SHARPIN: variants seen among roughly 807,000 people sequenced by gnomAD.
SHARPIN encodes hSIPL1.
Under a neutral mutation model 40.3 loss-of-function variants are expected in SHARPIN, and 25 were observed. The observed-to-expected ratio is 0.62, with a 90% CI of 0.45 to 0.87. SHARPIN has a LOEUF of 0.87. SHARPIN is among the 40% of genes least tolerant of loss of function. The probability of loss-of-function intolerance (pLI) is 0.00; values close to 1 mark genes in which losing one functional copy is unlikely to be tolerated. For missense variants in SHARPIN, 551 were observed against 516.1 expected (o/e 1.07, Z -0.66); for synonymous variants, 274 against 221.8 (o/e 1.24, Z -2.09).
rs375879516 is a variant in SHARPIN, at chr8:144,099,442, G to T, written c.769-12C>A. On this transcript the variant is annotated splice_polypyrimidine_tract_variant and intron_variant, in intron 5 of 8. Transcript: ENST00000398712. ...AGCTCTGAGAACACCTGTGGCCAGA[G>T]CATCAGGGCAGGTGATGTCACCTAG... The T allele has an allele frequency of 4.5e-5, 72 of 1,609,818 alleles. No homozygotes were observed. The highest frequency in any genetic ancestry group is 5.4e-5 in the Non-Finnish European group (64 of 1,177,788).
chr8:144,099,667 A>G (rs1836246165), intron 4 of SHARPIN, 36 bp downstream of exon 4: 1 of 1,612,972 alleles, frequency 6.2e-7, no homozygotes, highest in African/African-American at 1.3e-5. Flanking sequence ...TGGGATGGTC[A>G]CGAGGACAAG....
chr8:144,100,325 G>T (rs1260645461), intron 2 of SHARPIN, among the ~76,000 whole-genome samples: 1 of 152,246 alleles, frequency 6.6e-6, no homozygotes, highest in Non-Finnish European at 1.5e-5. Context: ...TTTTGTGCCT[G>T]GCTAGGCCAC....
intron 2 of SHARPIN, chr8:144,102,540 TG>T: frequency 5.9e-6 from 1 of 168,260 alleles, no homozygotes; most frequent in Non-Finnish European, 1.3e-5. Flanking sequence ...CCCAAAGTGC[TG>T]GAATTACAGG....
chr8:144,099,300 A>G lies in SHARPIN; in HGVS notation c.899T>C (p.Leu300Pro). ...QDGDPAFLYL[L>P]SAPREAPATG... The stretch of plus-strand genomic sequence containing the variant: ...ACCTGGGGCTTCTCGAGGAGCTGAC[A>G]GCAAGTAGAGGAAAGCAGGGTCCCC... The change falls in exon 6 of 9, where the codon CTG becomes CCG. Residue 300 changes from leucine to proline, a missense_variant. Transcript: ENST00000398712. 6.2e-7 allele frequency: 1 copy of G among 1,614,128 alleles called. No individual in the cohort carries two copies. The highest frequency in any genetic ancestry group is 1.1e-5 in the South Asian group (1 of 91,090).
At chr8:144,099,057 C>G in intron 7 of SHARPIN, 24 bp downstream of exon 7, 1 of 1,575,052 alleles carries the variant, frequency 6.3e-7, no homozygotes, top group African/African-American at 1.4e-5. Flanking sequence ...TGTCCTGGCC[C>G]TCCCTGCCCA....
intron 7 of SHARPIN, 22 bp from the exon 8 acceptor site, chr8:144,099,016 T>C (rs1836226131): frequency 5.6e-6 from 9 of 1,599,330 alleles, no homozygotes; most frequent in East Asian, 2.2e-5. Flanking sequence ...GAGACAGTTG[T>C]TGCTTCCCTG....
rs1836245263 is a variant in SHARPIN, at chr8:144,099,614, G to A, written c.664C>T (p.Gln222Ter). Residue 222 changes from glutamine to a stop codon, truncating the protein, a stop_gained, in exon 5 of 9, where the codon CAG becomes TAG. Coordinates refer to ENST00000398712, the MANE Select transcript of SHARPIN (RefSeq NM_030974.4). LOFTEE classifies it high-confidence loss of function. The stretch of plus-strand genomic sequence containing the variant: ...GAGGCAGCGTCTTCAAGTGTGACCT[G>A]CAGCCTGTGCCAGAATGTGGGTTCA... The part of the protein sequence containing the change: ...ACFPPGPIRL[Q>*]VTLEDAASAA... The A allele has an allele frequency of 6.2e-7, 1 of 1,613,808 alleles. No homozygotes were observed. The highest frequency in any genetic ancestry group is 1.3e-5 in the African/African-American group (1 of 74,924).
In SHARPIN at chr8:144,098,807, G is replaced by T; in HGVS notation, c.*13-19C>A. 8.2e-7 allele frequency: 1 copy of T among 1,221,694 alleles called. No individual in the cohort carries two copies. The highest frequency in any genetic ancestry group is 1.1e-6 in the Non-Finnish European group (1 of 875,380). The allele number at this position is 1,221,694 out of a possible 1,614,324, so 75.7% of individuals were successfully genotyped here. A position where few individuals can be genotyped will look rare whatever the true frequency, so the allele number is the denominator to read the frequency against. The stretch of plus-strand genomic sequence containing the variant: ...TTGTAACCTGTGGGGGAGGAGCTGG[G>T]TCATTCCTGTGGATTCTGCCCTGCC... On this transcript the variant is annotated intron_variant, in intron 8 of 8. Coordinates refer to ENST00000398712, the MANE Select transcript of SHARPIN (RefSeq NM_030974.4).
At position 144,103,612 on chromosome 8, in the gene SHARPIN, C is replaced by T. The variant is rs1426122988; in HGVS notation, c.142G>A (p.Ala48Thr). Residue 48 changes from alanine (A) to threonine (T), a missense_variant, in exon 1 of 9, where the codon GCG becomes ACG. Ala to Thr is a moderately conservative substitution (Grantham distance 58). Transcript: ENST00000398712. ...EAQLRRLQLS[A>T]DPERPGRFRL... ...AAGCGCCCAGGCCGCTCAGGGTCCGCGCTCAGCTGCAGCCTCCGCAGCTGT... is the reference window on the plus strand; with the variant it reads ...AAGCGCCCAGGCCGCTCAGGGTCCGTGCTCAGCTGCAGCCTCCGCAGCTGT... The T allele has an allele frequency of 1.3e-6, 2 of 1,530,018 alleles. No homozygotes were observed. The highest frequency in any genetic ancestry group is 4.9e-5 in the East Asian group (2 of 40,676). 94.8% of individuals were successfully genotyped at this position (1,530,018 alleles called of 1,614,324 possible). A position where few individuals can be genotyped will look rare whatever the true frequency, so the allele number is the denominator to read the frequency against.
chr8:144,102,272 CTTCT>C lies in SHARPIN; in HGVS notation c.376+775_376+778del, dbSNP rs1836302114. Among the ~76,000 whole-genome samples the C allele has an allele frequency of 5.8e-5, 4 of 69,418 alleles. No individual in the cohort carries two copies. The Admixed American group carries it at 6.1e-4, about 11-fold the overall frequency. 45.5% of individuals were successfully genotyped at this position (69,418 alleles called of 152,430 possible). ...AGCCATGAAACTCAGCTAATTCCAT[CTTCT>C]TTTTTTTTTTTTTTTGAGATGGAGT... On this transcript the variant is annotated intron_variant, in intron 2 of 8. Transcript: ENST00000398712.
chr8:144,098,834 C>A, intron 8 of SHARPIN, 32 bp downstream of exon 8: 1 of 1,467,914 alleles, frequency 6.8e-7, no homozygotes, highest in South Asian at 1.3e-5. Context: ...TGCCCTGCCC[C>A]CCACCTCCCC....
rs891286796 is a variant in SHARPIN at position 144,098,725 on chromosome 8, C to T, written c.*76G>A. The T allele has an allele frequency of 1.6e-5, 9 of 579,572 alleles. No homozygotes were observed. The highest frequency in any genetic ancestry group is 4.7e-5 in the South Asian group (2 of 42,642). The allele number at this position is 579,572 out of a possible 1,614,324, so 35.9% of individuals were successfully genotyped here. A position where few individuals can be genotyped will look rare whatever the true frequency, so the allele number is the denominator to read the frequency against. On this transcript the variant is annotated 3_prime_UTR_variant, in exon 9 of 9. Transcript: ENST00000398712. ...CCAGCAAGCAGTCAGTAGAGGTCCC[C>T]GGAGTTCAGTGGGGGCCTGGAGATG...
intron 2 of SHARPIN, chr8:144,100,644 C>G (rs965738764): frequency 6.5e-6 from 1 of 153,712 alleles, no homozygotes; most frequent in Non-Finnish European, 1.5e-5. Context: ...CATCTCCCTA[C>G]TAGGATAAGC....
chr8:144,103,420 C>G lies in SHARPIN; in HGVS notation c.201+133G>C. 10 of 1,128,952 alleles carry G rather than the reference C, an allele frequency of 8.9e-6. No individual in the cohort carries two copies. In the South Asian group the frequency reaches 1.4e-4, roughly 15 times the overall value. 69.9% of individuals were successfully genotyped at this position (1,128,952 alleles called of 1,614,324 possible). On this transcript the variant is annotated intron_variant, in intron 1 of 8. Coordinates refer to ENST00000398712, the MANE Select transcript of SHARPIN (RefSeq NM_030974.4). ...AGGTCCGAGCGTCACCCCCATTTCA[C>G]GGACGAGAAAACAGAAGCAAAGAAA...
In SHARPIN at chr8:144,099,950, G is replaced by C; in HGVS notation, c.496C>G (p.Pro166Ala). 2 of 1,611,542 alleles carry C rather than the reference G, an allele frequency of 1.2e-6. No individual in the cohort carries two copies. The highest frequency in any genetic ancestry group is 1.7e-6 in the Non-Finnish European group (2 of 1,179,010). ...GTACCTCTCTCCGTCAAGTTTCCAG[G>C]GCTCCTAGGAAGATCTGCCTCAGGT... ...PPPEADLPRSPGNLTEREELA... is the reference protein window; with the variant it reads ...PPPEADLPRSAGNLTEREELA... The change falls in exon 3 of 9, where the codon CCT becomes GCT. Residue 166 changes from proline to alanine, a missense_variant. Coordinates refer to ENST00000398712, the MANE Select transcript of SHARPIN (RefSeq NM_030974.4).
rs1004857782 is a variant in SHARPIN, at chr8:144,103,085, G to A, written c.342C>T (p.Val114=). 1 of 1,611,688 alleles carries A rather than the reference G, an allele frequency of 6.2e-7. No homozygotes were observed. Among genetic ancestry groups the A allele is most frequent in the Non-Finnish European group, 8.5e-7 (1 of 1,179,562 alleles). The stretch of plus-strand genomic sequence containing the variant: ...CTTCCACGGTGGCACCTCGGACTAG[G>A]ACTGCCCACCGCTGAGCTTCCTGAG... ...LNPQEAQRWA[V]LVRGATVEGQ... The change falls in exon 2 of 9, where the codon GTC becomes GTT. Residue 114 remains valine, a synonymous_variant. Transcript: ENST00000398712.
At position 144,099,633 on chromosome 8, in the gene SHARPIN, G is replaced by A; in HGVS notation, c.660-15C>T. 6.2e-7 allele frequency: 1 copy of A among 1,613,750 alleles called. No individual in the cohort carries two copies. Among genetic ancestry groups the A allele is most frequent in the Non-Finnish European group, 8.5e-7 (1 of 1,179,804 alleles). ...TGACCTGCAGCCTGTGCCAGAATGT[G>A]GGTTCAGGGATGGATGGGGGACCTG... On this transcript the variant is annotated splice_polypyrimidine_tract_variant and intron_variant, in intron 4 of 8. Transcript: ENST00000398712.
chr8:144,103,715 C>A lies in SHARPIN; in HGVS notation c.39G>T (p.Ser13=). ...PPAGGAAAAA[S]DLGSAAVLLA... Reference sequence around the variant, plus strand: ...AGAGCACTGCGGCGGAGCCCAAGTCCGAGGCCGCCGCCGCCGCCCCGCCCG... The same window carrying A: ...AGAGCACTGCGGCGGAGCCCAAGTCAGAGGCCGCCGCCGCCGCCCCGCCCG... Residue 13 remains serine, a synonymous_variant, in exon 1 of 9, where the codon TCG becomes TCT. Transcript: ENST00000398712. 1 of 1,411,272 alleles carries A rather than the reference C, an allele frequency of 7.1e-7. No individual in the cohort carries two copies. Among genetic ancestry groups the A allele is most frequent in the Non-Finnish European group, 9.2e-7 (1 of 1,089,054 alleles). 87.4% of individuals were successfully genotyped at this position (1,411,272 alleles called of 1,614,324 possible). A position where few individuals can be genotyped will look rare whatever the true frequency, so the allele number is the denominator to read the frequency against.
At chr8:144,101,144 G>C (rs933342416) in intron 2 of SHARPIN, among the ~76,000 whole-genome samples, 1 of 151,984 alleles carries the variant, frequency 6.6e-6, no homozygotes, top group Non-Finnish European at 1.5e-5. Flanking sequence ...CCCTGCCACC[G>C]TTTTAAACAG....
Sources: allele counts gnomAD v4.1 joint callset (sites outside exome capture counted in the v4.1 genomes callset), GRCh38; gene constraint gnomAD v4.1.1; transcripts MANE v1.5; gene names NCBI Gene and HGNC (gene_info 2026-07-23, HGNC 2026-07-21).